LNX1: variants seen among roughly 807,000 people sequenced by gnomAD.
LNX1 encodes the protein E3 ubiquitin-protein ligase LNX.
LNX1 carries 54 observed loss-of-function variants against 68.4 expected under a neutral mutation model. The observed-to-expected ratio is 0.79, with a 90% CI of 0.63 to 0.99. LNX1 has a LOEUF of 0.99. LNX1 is among the 50% of genes least tolerant of loss of function. The probability of loss-of-function intolerance (pLI) is 0.00; values close to 1 mark genes in which losing one functional copy is unlikely to be tolerated. For synonymous variants in LNX1, 336 were observed against 350.0 expected (o/e 0.96, Z 0.45); for missense variants, 906 against 926.4 (o/e 0.98, Z 0.29).
chr4:53,648,845 T>C (rs1734986794), intron 1 of LNX1, among the ~76,000 whole-genome samples: 1 of 152,168 alleles, frequency 6.6e-6, no homozygotes, highest in East Asian at 1.9e-4. Flanking sequence ...TAGTGATAAT[T>C]GAATTTCCCT....
rs59260730 is a variant in LNX1, at chr4:53,506,856, T to TAAAAAAAAAAAAAAAAAAAAA, written c.775+460_775+461insTTTTTTTTTTTTTTTTTTTTT. 2.8e-3 allele frequency among the ~76,000 whole-genome samples: 153 copies of TAAAAAAAAAAAAAAAAAAAAA among 54,134 alleles called. 13 individuals carry two copies. The highest frequency in any genetic ancestry group is 4.3e-3 in the African/African-American group (69 of 16,136). The allele number at this position is 54,134 out of a possible 152,430, so 35.5% of individuals were successfully genotyped here. A position where few individuals can be genotyped will look rare whatever the true frequency, so the allele number is the denominator to read the frequency against. ...CCTGGGCGACAAGCAAAACTCTGTC[T>TAAAAAAAAAAAAAAAAAAAAA]AAAAAAAAAAAAAAAAAAAGAGGAA... On this transcript the variant is annotated intron_variant, in intron 4 of 10. Coordinates refer to ENST00000263925, the MANE Select transcript of LNX1 (RefSeq NM_001126328.3).
intron 2 of LNX1, among the ~76,000 whole-genome samples, chr4:53,531,903 G>T (rs1407346479): frequency 2.0e-5 from 3 of 152,152 alleles, no homozygotes; most frequent in Non-Finnish European, 4.4e-5. Context: ...TCTCTCTAGA[G>T]GAATGTTTAG....
At chr4:53,568,256 T>C (rs1577727902) in intron 2 of LNX1, among the ~76,000 whole-genome samples, 1 of 151,776 alleles carries the variant, frequency 6.6e-6, no homozygotes, top group African/African-American at 2.4e-5. Flanking sequence ...AATAAAATAC[T>C]GGCAAACCAA....
intron 2 of LNX1, among the ~76,000 whole-genome samples, chr4:53,522,376 T>G (rs1377555109): frequency 6.6e-6 from 1 of 152,212 alleles, no homozygotes; most frequent in Non-Finnish European, 1.5e-5. Context: ...ATTACTAAAG[T>G]CTACTAAATG....
At chr4:53,534,752 T>C (rs1459937159) in intron 2 of LNX1, among the ~76,000 whole-genome samples, 1 of 152,242 alleles carries the variant, frequency 6.6e-6, no homozygotes, top group Non-Finnish European at 1.5e-5. Flanking sequence ...CTCAACTGTC[T>C]TCTGTACTCA....
intron 8 of LNX1, among the ~76,000 whole-genome samples, 177 bp from the exon 9 acceptor site, chr4:53,477,158 C>T (rs1395217055): frequency 5.3e-5 from 8 of 152,144 alleles, no homozygotes; most frequent in Admixed American, 3.3e-4. Context: ...GTGTGCATTC[C>T]AAGGTGCTGT....
chr4:53,488,455 G>A (rs1476574958), intron 6 of LNX1, among the ~76,000 whole-genome samples: 1 of 152,144 alleles, frequency 6.6e-6, no homozygotes, highest in Non-Finnish European at 1.5e-5. Flanking sequence ...AATGTAATAA[G>A]TTCTGGACTC....
intron 1 of LNX1, among the ~76,000 whole-genome samples, chr4:53,635,375 G>T (rs1176570296): frequency 1.3e-5 from 2 of 152,094 alleles, no homozygotes; most frequent in East Asian, 1.9e-4. Context: ...TTGAATTAGG[G>T]TTGTCTCACG....
upstream of LNX1, among the ~76,000 whole-genome samples, chr4:53,592,490 C>T (rs1170815549): frequency 6.6e-6 from 1 of 152,154 alleles, no homozygotes. Flanking sequence ...TGAAACGCTG[C>T]GTATTTTTAC....
intron 2 of LNX1, among the ~76,000 whole-genome samples, chr4:53,528,346 C>G (rs1727773409): frequency 6.6e-6 from 1 of 152,138 alleles, no homozygotes; most frequent in African/African-American, 2.4e-5. Flanking sequence ...AGTTACAGTT[C>G]AATAGTAGCC....
chr4:53,586,176 G>T (rs1250617600), intron 1 of LNX1, among the ~76,000 whole-genome samples: 3 of 152,098 alleles, frequency 2.0e-5, no homozygotes, highest in Non-Finnish European at 4.4e-5. Context: ...CTGAGTGTGT[G>T]TATGTTGTGG....
chr4:53,600,700 C>T (rs1038417297), intron 2 of LNX1, among the ~76,000 whole-genome samples: 3 of 151,174 alleles, frequency 2.0e-5, no homozygotes, highest in East Asian at 2.0e-4. Context: ...CCTGGATGGA[C>T]GGCCTCTGTT....
At chr4:53,571,454 A>C (rs1418030602) in intron 2 of LNX1, among the ~76,000 whole-genome samples, 3 of 152,110 alleles carry the variant, frequency 2.0e-5, no homozygotes, top group Non-Finnish European at 4.4e-5. Flanking sequence ...AGCAGAGGCC[A>C]GAGAGAGCCT....
intron 2 of LNX1, among the ~76,000 whole-genome samples, chr4:53,533,215 C>G (rs1406817935): frequency 1.3e-5 from 2 of 152,320 alleles, no homozygotes; most frequent in East Asian, 3.9e-4. Flanking sequence ...GAAGCAGGGG[C>G]TGAGGCACAC....
intron 2 of LNX1, among the ~76,000 whole-genome samples, chr4:53,611,750 A>G (rs529111318): frequency 2.0e-5 from 3 of 152,252 alleles, no homozygotes; most frequent in African/African-American, 2.4e-5. Flanking sequence ...CTACAAATAT[A>G]TGAATGAAAA....
intron 4 of LNX1, 52 bp downstream of exon 4, chr4:53,507,265 C>G: frequency 6.3e-7 from 1 of 1,579,778 alleles, no homozygotes; most frequent in Non-Finnish European, 8.6e-7. Flanking sequence ...TCCCTGAAGT[C>G]CCCCTGGAAG....
chr4:53,498,038 T>C lies in LNX1; in HGVS notation c.978+603A>G, dbSNP rs941666414. 2.6e-5 allele frequency among the ~76,000 whole-genome samples: 4 copies of C among 152,116 alleles called. No individual in the cohort carries two copies. In the South Asian group the frequency reaches 6.2e-4, roughly 24 times the overall value. ...TTTCTGTTCTGAAAATTCCTCCTTC[T>C]CCTTAACCAAGCCTCTGAGGACAGT... On this transcript the variant is annotated intron_variant, in intron 5 of 10. Transcript: ENST00000263925.
chr4:53,481,948 T>C (rs1723945557), intron 6 of LNX1, 94 bp from the exon 7 acceptor site: 7 of 1,356,308 alleles, frequency 5.2e-6, no homozygotes, highest in Non-Finnish European at 6.9e-6. Context: ...GATTATACCA[T>C]TTTTTTATGG....
intron 2 of LNX1, among the ~76,000 whole-genome samples, chr4:53,572,366 CA>C (rs1731221155): frequency 2.6e-5 from 4 of 152,198 alleles, no homozygotes. Context: ...GAGGTGGAAG[CA>C]TCTGGCTGAA....
Sources: allele counts gnomAD v4.1 joint callset (sites outside exome capture counted in the v4.1 genomes callset), GRCh38; gene constraint gnomAD v4.1.1; transcripts MANE v1.5; gene names NCBI Gene and HGNC (gene_info 2026-07-23, HGNC 2026-07-21).